OCA2: variants seen among roughly 807,000 people sequenced by gnomAD.
OCA2 encodes the protein OCA2 melanosomal transmembrane protein, also known as P protein.
OCA2 carries 77 observed loss-of-function variants against 100.2 expected under a neutral mutation model. The observed-to-expected ratio is 0.77, with a 90% CI of 0.64 to 0.93. OCA2 has a LOEUF of 0.93. Ranked by LOEUF, OCA2 falls within the 40% of genes least tolerant of loss-of-function variation. The pLI is 0.00. For synonymous variants in OCA2, 432 were observed against 439.2 expected, an observed-to-expected ratio of 0.98 and a Z score of 0.21; for missense variants, 1,062 against 1,089.1, an observed-to-expected ratio of 0.98 and a Z score of 0.35.
rs1362449230 is a variant in OCA2 at position 28,023,962 on chromosome 15, G to GCA, written c.573+881_573+882dup. On this transcript the variant is annotated intron_variant, in intron 5 of 23. Coordinates refer to ENST00000354638, the MANE Select transcript of OCA2 (RefSeq NM_000275.3). ...CAGACAGGAGACCATATACTCACCT[G>GCA]CACACACACAGACACACAACCAGAC... Among the ~76,000 whole-genome samples the GCA allele has an allele frequency of 2.0e-5, 3 of 152,172 alleles. No individual in the cohort carries two copies. The East Asian group carries it at 5.8e-4, about 29-fold the overall frequency.
At chr15:27,979,788 C>A (rs2041087847) in intron 14 of OCA2, among the ~76,000 whole-genome samples, 1 of 151,568 alleles carries the variant, frequency 6.6e-6, no homozygotes, top group African/African-American at 2.4e-5. Flanking sequence ...CAACCTCCGC[C>A]TCCTGGGTTC....
chr15:28,026,195 T>G (rs2042741936), intron 4 of OCA2, among the ~76,000 whole-genome samples: 1 of 152,218 alleles, frequency 6.6e-6, no homozygotes, highest in Admixed American at 6.5e-5. Context: ...GCTAACGTCT[T>G]TTAGTTCAGT....
chr15:28,040,754 A>G (rs1033068495), intron 2 of OCA2, among the ~76,000 whole-genome samples: 1 of 152,190 alleles, frequency 6.6e-6, no homozygotes, highest in Non-Finnish European at 1.5e-5. Flanking sequence ...ACAAATTCCT[A>G]AGTACACACA....
intron 15 of OCA2, among the ~76,000 whole-genome samples, chr15:27,960,459 T>A (rs557624799): frequency 6.6e-6 from 1 of 152,338 alleles, no homozygotes; most frequent in African/African-American, 2.4e-5. Context: ...GTCTGCTTCT[T>A]CCTGTCCTAG....
intron 21 of OCA2, 111 bp downstream of exon 21, chr15:27,871,043 G>T: frequency 1.2e-6 from 1 of 823,750 alleles, no homozygotes; most frequent in South Asian, 1.4e-5. Context: ...CTACACCTGT[G>T]AGTGCAGCAG....
intron 23 of OCA2, among the ~76,000 whole-genome samples, chr15:27,779,879 GT>G (rs1308343286): frequency 3.3e-5 from 5 of 151,952 alleles, no homozygotes; most frequent in Admixed American, 2.6e-4. Context: ...GTGTTTCCTT[GT>G]GCTTTTGTTT....
chr15:27,725,628 C>T, the OCA2 span, among the ~76,000 whole-genome samples: 1 of 152,122 alleles, frequency 6.6e-6, no homozygotes, highest in African/African-American at 2.4e-5. Flanking sequence ...GAGCAAAGTA[C>T]AAATAGGACA....
intron 9 of OCA2, among the ~76,000 whole-genome samples, chr15:28,007,022 G>T (rs956019288): frequency 1.3e-5 from 2 of 152,036 alleles, no homozygotes; most frequent in Non-Finnish European, 2.9e-5. Context: ...AACACTACAC[G>T]AACTCCTAAA....
At chr15:28,062,921 T>A (rs1294334308) in intron 2 of OCA2, among the ~76,000 whole-genome samples, 1 of 152,188 alleles carries the variant, frequency 6.6e-6, no homozygotes, top group Non-Finnish European at 1.5e-5. Flanking sequence ...TGTATGTCTA[T>A]CCTTATGCCA....
At chr15:27,750,148 T>C (rs1053493080), downstream of OCA2, among the ~76,000 whole-genome samples, 1 of 152,216 alleles carries the variant, frequency 6.6e-6, no homozygotes, top group Non-Finnish European at 1.5e-5. Context: ...CAGAAACTGA[T>C]GTGTATTTGT....
At chr15:27,966,932 A>T in intron 14 of OCA2, 110 bp from the exon 15 acceptor site, 2 of 1,206,712 alleles carry the variant, frequency 1.7e-6, no homozygotes, top group Non-Finnish European at 2.4e-6. Flanking sequence ...GATGGAGACC[A>T]TCCTGGCTAA....
the OCA2 span, among the ~76,000 whole-genome samples, chr15:27,740,146 C>G: frequency 1.3e-5 from 2 of 152,170 alleles, no homozygotes; most frequent in Admixed American, 1.3e-4. Flanking sequence ...ACGTGACTTA[C>G]AGCACAGTGT....
intron 23 of OCA2, among the ~76,000 whole-genome samples, chr15:27,794,846 T>G (rs1321240749): frequency 6.6e-6 from 1 of 152,050 alleles, no homozygotes; most frequent in African/African-American, 2.4e-5. Context: ...AACAAATGCA[T>G]TTTTTTTCCT....
chr15:28,072,971 A>G (rs113426402), intron 2 of OCA2, among the ~76,000 whole-genome samples: 2,154 of 152,324 alleles, frequency 0.014, 44 homozygotes, highest in African/African-American at 0.049. Flanking sequence ...AAGAAAAATC[A>G]TTCTACCAAA....
chr15:27,793,963 G>A (rs540315495), intron 23 of OCA2, among the ~76,000 whole-genome samples: 8 of 152,302 alleles, frequency 5.3e-5, no homozygotes, highest in Admixed American at 3.3e-4. Context: ...CCCACTAGCC[G>A]GCACTTGGTG....
chr15:27,987,467 C>G (rs1319141220), intron 11 of OCA2, among the ~76,000 whole-genome samples: 9 of 152,014 alleles, frequency 5.9e-5, no homozygotes, highest in Admixed American at 5.2e-4. Context: ...CGCCTGTAAT[C>G]CCAGCACTTT....
At chr15:27,770,915 C>CCCCCTCCCTCTTTTTTCTTCCTTCCT (rs2031753456) in intron 23 of OCA2, among the ~76,000 whole-genome samples, 1 of 111,388 alleles carries the variant, frequency 9.0e-6, no homozygotes, top group Admixed American at 8.8e-5. Context: ...TCCTTCCCTC[C>CCCCCTCCCTCTTTTTTCTTCCTTCCT]TCCCTCCCTC....
chr15:27,985,762 G>C (rs1445919043), intron 12 of OCA2, among the ~76,000 whole-genome samples: 1 of 149,744 alleles, frequency 6.7e-6, no homozygotes, highest in Non-Finnish European at 1.5e-5. Context: ...GTGTGATCTC[G>C]GCTCACTGCA....
chr15:28,056,482 A>C (rs2141618549), intron 2 of OCA2, among the ~76,000 whole-genome samples: 1 of 152,338 alleles, frequency 6.6e-6, no homozygotes, highest in Middle Eastern at 3.4e-3. Context: ...AAGATGTAGG[A>C]CCCTGCACTG....
Sources: gnomAD v4.1 joint callset for allele counts (sites outside exome capture counted in the v4.1 genomes callset) on GRCh38, gnomAD v4.1.1 for gene constraint, MANE v1.5 for transcripts, NCBI Gene and HGNC (gene_info 2026-07-23, HGNC 2026-07-21) for gene names.